The following PDZRN3 variants were observed in gnomAD, a reference collection of about 807,000 sequenced individuals.
The protein encoded by PDZRN3 is E3 ubiquitin-protein ligase PDZRN3.
Under a neutral mutation model 85.7 loss-of-function variants are expected in PDZRN3, and 38 were observed. That is an observed-to-expected ratio of 0.44 (90% confidence interval 0.34 to 0.58). The LOEUF is 0.58. PDZRN3 is among the 20% of genes least tolerant of loss of function. The pLI is 0.01. For synonymous variants in PDZRN3, 759 were observed against 638.0 expected, an observed-to-expected ratio of 1.19 and a Z score of -2.86; for missense variants, 1,629 against 1,506.4, an observed-to-expected ratio of 1.08 and a Z score of -1.35.
At chr3:73,450,282 C>T (rs1191300764) in intron 3 of PDZRN3, among the ~76,000 whole-genome samples, 1 of 152,180 alleles carries the variant, frequency 6.6e-6, no homozygotes, top group East Asian at 1.9e-4. Context: ...TTCTTCCTTA[C>T]CCTATAGAGC....
chr3:73,578,233 G>A (rs1309804684), intron 3 of PDZRN3, among the ~76,000 whole-genome samples: 3 of 147,738 alleles, frequency 2.0e-5, no homozygotes, highest in African/African-American at 7.6e-5. Context: ...GCAGTGGCAC[G>A]ATCTCAGCTC....
chr3:73,616,304 C>A (rs957132088), intron 1 of PDZRN3, among the ~76,000 whole-genome samples: 1 of 133,074 alleles, frequency 7.5e-6, no homozygotes, highest in Non-Finnish European at 1.6e-5. Flanking sequence ...TTCTTCATGT[C>A]AACACAAATA....
chr3:73,461,973 C>G (rs1703113259), intron 3 of PDZRN3, among the ~76,000 whole-genome samples: 1 of 152,132 alleles, frequency 6.6e-6, no homozygotes, highest in Non-Finnish European at 1.5e-5. Context: ...ATTCCTTGAT[C>G]CTGAAATGCT....
chr3:73,533,772 C>T (rs1704714994), intron 3 of PDZRN3, among the ~76,000 whole-genome samples: 1 of 152,158 alleles, frequency 6.6e-6, no homozygotes, highest in South Asian at 2.1e-4. Context: ...AGGTGTGTTA[C>T]TGGGTGTTCC....
chr3:73,555,809 TG>T lies in PDZRN3; in HGVS notation c.918+46544del, dbSNP rs1413896468. On this transcript the variant is annotated intron_variant, in intron 3 of 9. Transcript: ENST00000263666. ...CTGAATTGAAATCAGCTATTTAAAA[TG>T]TAGAAAAATAAAAAGAATAGGCTTA... Among the ~76,000 whole-genome samples, 3 of 152,186 alleles carry T rather than the reference TG, an allele frequency of 2.0e-5. No individual in the cohort carries two copies. In the East Asian group the frequency reaches 5.8e-4, roughly 29 times the overall value.
chr3:73,535,181 C>G (rs778349885), intron 3 of PDZRN3, among the ~76,000 whole-genome samples: 4 of 152,110 alleles, frequency 2.6e-5, no homozygotes, highest in African/African-American at 4.8e-5. Flanking sequence ...TGACATGGAA[C>G]AGAGCAGCTG....
At chr3:73,565,334 TGGCCAGGCTG>T in intron 3 of PDZRN3, among the ~76,000 whole-genome samples, 1 of 152,092 alleles carries the variant, frequency 6.6e-6, no homozygotes, top group South Asian at 2.1e-4. Context: ...TTCACTATTT[TGGCCAGGCTG>T]GTACTGAACT....
rs555869305 is a variant in PDZRN3, at chr3:73,420,846, G to C, written c.919-16451C>G. ...TCTTCCCAAATCCATGAATTCTCAAGTTCCTGATATAAAATGGCACACAGA... is the reference window on the plus strand; with the variant it reads ...TCTTCCCAAATCCATGAATTCTCAACTTCCTGATATAAAATGGCACACAGA... On this transcript the variant is annotated intron_variant, in intron 3 of 9. Transcript: ENST00000263666. Among the ~76,000 whole-genome samples, 5 of 152,262 alleles carry C rather than the reference G, an allele frequency of 3.3e-5. No homozygotes were observed. In the South Asian group the frequency reaches 1.0e-3, roughly 32 times the overall value.
rs969165535 is a variant in PDZRN3, at chr3:73,512,790, T to C, written c.918+89564A>G. Among the ~76,000 whole-genome samples, 8 of 152,250 alleles carry C rather than the reference T, an allele frequency of 5.3e-5. No homozygotes were observed. The South Asian group carries it at 1.7e-3, about 32-fold the overall frequency. On this transcript the variant is annotated intron_variant, in intron 3 of 9. Transcript: ENST00000263666. ...CCAAACATTCCCTCATTCTTGAACA[T>C]GATGAGCCCTTTAAAATGTTTTTAA... is the stretch of plus-strand genomic sequence containing the variant.
chr3:73,445,255 G>A (rs968548479), intron 3 of PDZRN3, among the ~76,000 whole-genome samples: 11 of 152,144 alleles, frequency 7.2e-5, no homozygotes, highest in African/African-American at 2.2e-4. Flanking sequence ...ACATGCCCTC[G>A]TAGTAGATGG....
rs28458469 is a variant in PDZRN3 at position 73,512,412 on chromosome 3, C to T, written c.918+89942G>A. 3.5e-3 allele frequency among the ~76,000 whole-genome samples: 531 copies of T among 152,306 alleles called. 5 individuals are homozygous for T. Among genetic ancestry groups the T allele is most frequent in the African/African-American group, 0.012 (511 of 41,574 alleles). On this transcript the variant is annotated intron_variant, in intron 3 of 9. Coordinates refer to ENST00000263666, the MANE Select transcript of PDZRN3 (RefSeq NM_015009.3). Reference sequence around the variant, plus strand: ...TTGGTTCAGAAGGCTAAAACGTACACGCTACTAGGCATCCACATTCTTTTA... The same window carrying T: ...TTGGTTCAGAAGGCTAAAACGTACATGCTACTAGGCATCCACATTCTTTTA...
intron 8 of PDZRN3, 49 bp downstream of exon 8, chr3:73,387,919 T>C (rs1363850337): frequency 3.4e-6 from 3 of 890,466 alleles, no homozygotes; most frequent in South Asian, 3.3e-5. Flanking sequence ...TGGGGATCTT[T>C]TGATTTTAGA....
At chr3:73,565,500 G>C (rs1701927118) in intron 3 of PDZRN3, among the ~76,000 whole-genome samples, 1 of 152,050 alleles carries the variant, frequency 6.6e-6, no homozygotes, top group Non-Finnish European at 1.5e-5. Context: ...AAGGAGAGAA[G>C]GTTGGATGAA....
chr3:73,424,367 C>CAAAAAAAAAA (rs66466551), intron 3 of PDZRN3, among the ~76,000 whole-genome samples: 13 of 54,872 alleles, frequency 2.4e-4, no homozygotes, highest in South Asian at 8.5e-4. Flanking sequence ...CCGTCTCTAC[C>CAAAAAAAAAA]AAAAAAAAAA....
intron 2 of PDZRN3, among the ~76,000 whole-genome samples, chr3:73,607,972 C>T (rs890836628): frequency 3.9e-5 from 6 of 152,142 alleles, no homozygotes; most frequent in African/African-American, 1.2e-4. Context: ...CAGATAATCC[C>T]CCTTGAAGTG....
At chr3:73,440,920 G>A (rs1161211135) in intron 3 of PDZRN3, among the ~76,000 whole-genome samples, 1 of 152,192 alleles carries the variant, frequency 6.6e-6, no homozygotes, top group African/African-American at 2.4e-5. Context: ...GCCTTGAAAG[G>A]TATTGAAGCA....
At chr3:73,417,614 T>G (rs552577733) in intron 3 of PDZRN3, among the ~76,000 whole-genome samples, 41 of 152,352 alleles carry the variant, frequency 2.7e-4, no homozygotes, top group African/African-American at 9.1e-4. Context: ...GCCTCTCTTC[T>G]GCTGTGTTGA....
At chr3:73,520,606 C>G (rs1276512263) in intron 3 of PDZRN3, among the ~76,000 whole-genome samples, 1 of 152,158 alleles carries the variant, frequency 6.6e-6, no homozygotes, top group African/African-American at 2.4e-5. Context: ...CCTCCAGATA[C>G]TTGGGTCTCA....
At chr3:73,462,138 A>G (rs192083917) in intron 3 of PDZRN3, among the ~76,000 whole-genome samples, 40 of 152,312 alleles carry the variant, frequency 2.6e-4, no homozygotes, top group African/African-American at 9.1e-4. Flanking sequence ...CATGTTTGCA[A>G]TGATGCTGTT....
Sources: gnomAD v4.1 joint callset for allele counts (sites outside exome capture counted in the v4.1 genomes callset) on GRCh38, gnomAD v4.1.1 for gene constraint, MANE v1.5 for transcripts, NCBI Gene and HGNC (gene_info 2026-07-23, HGNC 2026-07-21) for gene names.